PTK7: variants seen among roughly 807,000 people sequenced by gnomAD.
PTK7 encodes protein tyrosine kinase 7 (inactive).
In PTK7, 39 loss-of-function variants were observed where a neutral mutation model predicts 116.6. That is an observed-to-expected ratio of 0.33 (90% CI 0.26 to 0.44). The LOEUF (loss-of-function observed/expected upper bound fraction) is 0.44, where lower values mean the gene tolerates loss of function less well. Ranked by LOEUF, PTK7 falls within the 20% of genes least tolerant of loss-of-function variation. The pLI, the probability that PTK7 is intolerant of heterozygous loss-of-function variation, is 1.00. For synonymous variants in PTK7, 546 were observed against 563.6 expected (o/e 0.97, Z 0.44); for missense variants, 1,169 against 1,425.6 (o/e 0.82, Z 2.90).
chr6:43,129,407 CAT>C lies in PTK7; in HGVS notation c.367+144_367+145del. On this transcript the variant is annotated intron_variant, in intron 2 of 19. Coordinates refer to ENST00000230419, the MANE Select transcript of PTK7 (RefSeq NM_002821.5). This position sits in a 1 kb window ranked among gnomAD's most constrained non-coding sequence, Gnocchi z 4.5. ...GCATTTATCATCAGCTTTTTTTGCTCATGTGGATAAGAGGAAATTAAAAGTTA... is the reference window on the plus strand; with the variant it reads ...GCATTTATCATCAGCTTTTTTTGCTCGTGGATAAGAGGAAATTAAAAGTTA... 8.8e-7 allele frequency: 1 copy of C among 1,136,960 alleles called. No individual in the cohort carries two copies. The allele number at this position is 1,136,960 out of a possible 1,614,324, so 70.4% of individuals were successfully genotyped here.
intron 1 of PTK7, among the ~76,000 whole-genome samples, chr6:43,081,058 C>A (rs1170711318): frequency 6.6e-6 from 1 of 152,182 alleles, no homozygotes; most frequent in East Asian, 1.9e-4. Context: ...AGACATTTTA[C>A]CTACTGGGAC....
At chr6:43,156,755 G>C (rs755744739) in intron 17 of PTK7, among the ~76,000 whole-genome samples, 1 of 152,022 alleles carries the variant, frequency 6.6e-6, no homozygotes, top group Non-Finnish European at 1.5e-5. Context: ...AATTAGCTAG[G>C]CGTGGTAGTG....
chr6:43,160,364 C>T lies in PTK7; in HGVS notation c.3053-357C>T, dbSNP rs148118913. The stretch of plus-strand genomic sequence containing the variant: ...CAAACTCCTGACCTTGTGATCCACC[C>T]GCCTCGGCCTCCCAAAGTGCTGGGA... On this transcript the variant is annotated intron_variant, in intron 19 of 19. Coordinates refer to ENST00000230419, the MANE Select transcript of PTK7 (RefSeq NM_002821.5). Among the ~76,000 whole-genome samples, 150 of 152,278 alleles carry T rather than the reference C, an allele frequency of 9.9e-4. No homozygotes were observed. In the East Asian group the frequency reaches 0.019, roughly 19 times the overall value.
intron 1 of PTK7, among the ~76,000 whole-genome samples, chr6:43,107,243 CT>C (rs1189900301): frequency 6.6e-6 from 1 of 152,114 alleles, no homozygotes; most frequent in Non-Finnish European, 1.5e-5. Context: ...TTTTAATCCC[CT>C]GACTCTGACT....
At chr6:43,159,632 T>G (rs1771717238) in intron 18 of PTK7, 156 bp from the exon 19 acceptor site, 1 of 701,022 alleles carries the variant, frequency 1.4e-6, no homozygotes, top group Non-Finnish European at 2.5e-6. Context: ...TCTAGTGTAC[T>G]CCCATGCTCA....
intron 19 of PTK7, 47 bp downstream of exon 19, chr6:43,160,013 G>A (rs1561993245): frequency 6.3e-7 from 1 of 1,581,108 alleles, no homozygotes; most frequent in East Asian, 2.2e-5. Context: ...GGCCCCAGAT[G>A]GGGCCTACTC....
chr6:43,157,342 ATATATATATATATATATATAT>A (rs1771506590), intron 17 of PTK7, among the ~76,000 whole-genome samples: 1 of 4,310 alleles, frequency 2.3e-4, no homozygotes, highest in African/African-American at 8.5e-4. Flanking sequence ...ATATATATAT[ATATATATATATATATATATAT>A]ATTTTTTTTT....
At chr6:43,086,524 T>G (rs1766669296) in intron 1 of PTK7, among the ~76,000 whole-genome samples, 1 of 151,964 alleles carries the variant, frequency 6.6e-6, no homozygotes, top group Admixed American at 6.6e-5. Context: ...GTATGGTACC[T>G]TTGTGCACAT....
chr6:43,127,002 C>T (rs1769331185), intron 1 of PTK7, among the ~76,000 whole-genome samples: 1 of 152,182 alleles, frequency 6.6e-6, no homozygotes, highest in Middle Eastern at 3.2e-3. Context: ...CCAGGGGCAG[C>T]CCCTCATCTG....
At chr6:43,144,646 A>C (rs1321844574) in intron 15 of PTK7, 40 bp downstream of exon 15, 1 of 1,573,794 alleles carries the variant, frequency 6.4e-7, no homozygotes, top group Non-Finnish European at 8.6e-7. Context: ...CCTAACTACA[A>C]GTCACCCGCT....
chr6:43,149,243 G>T (rs960173591), intron 17 of PTK7, among the ~76,000 whole-genome samples: 1 of 151,322 alleles, frequency 6.6e-6, no homozygotes, highest in Non-Finnish European at 1.5e-5. Context: ...ATGGTGTCAC[G>T]TGCATATAAT....
chr6:43,146,402 C>T (rs988567585), intron 16 of PTK7, among the ~76,000 whole-genome samples: 3 of 151,992 alleles, frequency 2.0e-5, no homozygotes, highest in African/African-American at 7.3e-5. Flanking sequence ...GCCAATTCTC[C>T]TCCTTTCTAA....
intron 13 of PTK7, chr6:43,142,506 T>C: frequency 4.2e-6 from 3 of 722,758 alleles, no homozygotes; most frequent in Non-Finnish European, 7.1e-6. Flanking sequence ...ACGGTCGGTG[T>C]GTGTGTGTGT....
At chr6:43,116,660 ACG>A (rs1276368902) in intron 1 of PTK7, among the ~76,000 whole-genome samples, 4 of 111,164 alleles carry the variant, frequency 3.6e-5, no homozygotes, top group African/African-American at 6.6e-5. Flanking sequence ...GTGCGCGCGC[ACG>A]CACGCACGCA....
Position 43,160,857 on chromosome 6 carries a change from C to T in PTK7, c.3189C>T (p.Asp1063=), listed in dbSNP as rs200182801. 8.2e-5 allele frequency: 132 copies of T among 1,614,066 alleles called. 1 individual carries two copies. The East Asian group carries it at 2.7e-3, about 33-fold the overall frequency. ...SFSEIASALG[D]STVDSKP ...GTGAGATTGCCAGCGCCCTGGGAGA[C>T]AGCACCGTGGACAGCAAGCCGTGAG... Residue 1063 remains aspartate (D), a synonymous_variant, in exon 20 of 20, where the codon GAC becomes GAT. Coordinates refer to ENST00000230419, the MANE Select transcript of PTK7 (RefSeq NM_002821.5).
chr6:43,145,348 G>A lies in PTK7; in HGVS notation c.2556G>A (p.Lys852=), dbSNP rs746929959. Residue 852 remains lysine (K), a synonymous_variant, in exon 16 of 20, where the codon AAG becomes AAA. Coordinates refer to ENST00000230419, the MANE Select transcript of PTK7 (RefSeq NM_002821.5). This position sits in a 1 kb window ranked among gnomAD's most constrained non-coding sequence, Gnocchi z 4.8. ...GGAGGGAGTTGGAGATGTTTGGGAA[G>A]CTGAACCACGCCAACGTGGTGCGGC... ...DFRRELEMFG[K]LNHANVVRLL... 1.9e-6 allele frequency: 3 copies of A among 1,613,802 alleles called. No individual in the cohort carries two copies. Among genetic ancestry groups the A allele is most frequent in the East Asian group, 2.2e-5 (1 of 44,894 alleles).
In PTK7 at chr6:43,158,895, C is replaced by A; in HGVS notation, c.2800C>A (p.Arg934Ser). 1 of 1,614,210 alleles carries A rather than the reference C, an allele frequency of 6.2e-7. No individual in the cohort carries two copies. Among genetic ancestry groups the A allele is most frequent in the Non-Finnish European group, 8.5e-7 (1 of 1,180,036 alleles). ...CTTTGTGCATAAGGACTTGGCTGCG[C>A]GTAACTGCCTGGTCAGTGCCCAGAG... ...NRFVHKDLAARNCLVSAQRQV... is the reference protein window; with the variant it reads ...NRFVHKDLAASNCLVSAQRQV... The change falls in exon 18 of 20, where the codon CGT (arginine) becomes AGT (serine). Residue 934 changes from arginine (R) to serine (S), a missense_variant. Physicochemically the swap from Arg to Ser is moderately radical, Grantham distance 110. This residue lies in a region of PTK7 where 678 missense variants were observed against 853.8 expected (regional missense o/e 0.79). Coordinates refer to ENST00000230419, the MANE Select transcript of PTK7 (RefSeq NM_002821.5).
Position 43,141,771 on chromosome 6 carries a change from C to A in PTK7, c.1722C>A (p.Asn574Lys), listed in dbSNP as rs760857931. The change falls in exon 11 of 20, where the codon AAC becomes AAA. Residue 574 changes from asparagine to lysine, a missense_variant. Transcript: ENST00000230419. This position sits in a 1 kb window ranked among gnomAD's most constrained non-coding sequence, Gnocchi z 4.9. ...GCAACTACACTTGCATTGCCTCCAA[C>A]GGGCCGCAGGGCCAGATTCGTGCCC... ...DAGNYTCIAS[N>K]GPQGQIRAHV... The A allele has an allele frequency of 6.2e-7, 1 of 1,614,112 alleles. No individual in the cohort carries two copies. The highest frequency in any genetic ancestry group is 8.5e-7 in the Non-Finnish European group (1 of 1,180,022).
intron 1 of PTK7, among the ~76,000 whole-genome samples, chr6:43,124,080 G>A (rs898774181): frequency 1.3e-5 from 2 of 152,148 alleles, no homozygotes; most frequent in African/African-American, 2.4e-5. Context: ...AGTGGAGGGG[G>A]TTGCATGGCA....
Sources: gnomAD v4.1 joint callset for allele counts (sites outside exome capture counted in the v4.1 genomes callset) on GRCh38, gnomAD v4.1.1 for gene constraint, gnomAD v4.1.1 regional missense constraint, Gnocchi (gnomAD v3.1) non-coding constraint, MANE v1.5 for transcripts, NCBI Gene and HGNC (gene_info 2026-07-23, HGNC 2026-07-21) for gene names.